Variants in TSPAN15 observed in about 807,000 individuals in gnomAD.
TSPAN15 encodes tetraspanin 15, also known as tetraspanin-15.
TSPAN15 carries 20 observed loss-of-function variants against 34.5 expected under a neutral mutation model. The observed-to-expected ratio is 0.58, with a 90% CI of 0.41 to 0.84. TSPAN15 has a LOEUF of 0.84. TSPAN15 is among the 40% of genes least tolerant of loss of function. The pLI is 0.00. For synonymous variants in TSPAN15, 155 were observed against 153.9 expected (o/e 1.01, Z -0.05); for missense variants, 313 against 386.1 (o/e 0.81, Z 1.59).
Position 69,483,733 on chromosome 10 carries a change from G to T in TSPAN15, c.139G>T (p.Val47Phe), listed in dbSNP as rs1841787978. ...CCTGTCTGTGGGCATCTATGCAGAG[G>T]TTGAGCGGCAGAAATATAAAACCCT... ...LVLSVGIYAE[V>F]ERQKYKTLES... The change falls in exon 2 of 8, where the codon GTT (valine) becomes TTT (phenylalanine). Residue 47 changes from valine (V) to phenylalanine (F), a missense_variant. By Grantham distance (50) the Val-to-Phe change is conservative (BLOSUM62 -1). Transcript: ENST00000373290. 1 of 1,614,064 alleles carries T rather than the reference G, an allele frequency of 6.2e-7. No homozygotes were observed. Among genetic ancestry groups the T allele is most frequent in the South Asian group, 1.1e-5 (1 of 91,076 alleles).
At chr10:69,499,922 G>A (rs962678631) in intron 5 of TSPAN15, among the ~76,000 whole-genome samples, 5 of 152,122 alleles carry the variant, frequency 3.3e-5, no homozygotes, top group African/African-American at 1.2e-4. Flanking sequence ...GCGGAGGATG[G>A]TAGGAGGTGG....
chr10:69,531,557 C>T, the TSPAN15 span, among the ~76,000 whole-genome samples: 1 of 152,092 alleles, frequency 6.6e-6, no homozygotes, highest in Non-Finnish European at 1.5e-5. Flanking sequence ...CATGATTGTG[C>T]CACTGCACTC....
intron 4 of TSPAN15, among the ~76,000 whole-genome samples, chr10:69,496,507 G>C (rs1484256431): frequency 2.0e-5 from 3 of 152,132 alleles, no homozygotes; most frequent in Non-Finnish European, 4.4e-5. Context: ...GGATTACCTT[G>C]ACTTAATTCA....
At chr10:69,521,392 C>A in the TSPAN15 span, among the ~76,000 whole-genome samples, 1 of 146,850 alleles carries the variant, frequency 6.8e-6, no homozygotes, top group Non-Finnish European at 1.5e-5. Flanking sequence ...CACCTGTAGT[C>A]CCAGCACTTT....
At chr10:69,535,927 G>A in the TSPAN15 span, among the ~76,000 whole-genome samples, 5 of 152,182 alleles carry the variant, frequency 3.3e-5, no homozygotes, top group African/African-American at 9.6e-5. Flanking sequence ...GGGGTTGTGG[G>A]GGCAAATCCT....
chr10:69,490,696 G>T (rs1841949639), intron 3 of TSPAN15, among the ~76,000 whole-genome samples: 1 of 152,252 alleles, frequency 6.6e-6, no homozygotes, highest in East Asian at 1.9e-4. Context: ...ACTCCATCCA[G>T]CCTGGGTGAC....
chr10:69,539,524 AAGAAGAAGAAGAAGGAGAAGGAGAAGG>A, the TSPAN15 span, among the ~76,000 whole-genome samples: 1 of 115,502 alleles, frequency 8.7e-6, no homozygotes, highest in Non-Finnish European at 1.9e-5. Flanking sequence ...GAAGAAGAAG[AAGAAGAAGAAGAAGGAGAAGGAGAAGG>A]AGAAGGAGAA....
the TSPAN15 span, among the ~76,000 whole-genome samples, chr10:69,519,048 T>A: frequency 0.6 from 91,416 of 151,606 alleles, 27,979 homozygotes; most frequent in African/African-American, 0.68. Context: ...AGTATACAGC[T>A]ATTTAAATGA....
At chr10:69,492,321 G>T (rs113082600) in intron 3 of TSPAN15, among the ~76,000 whole-genome samples, 1 of 152,310 alleles carries the variant, frequency 6.6e-6, no homozygotes, top group Non-Finnish European at 1.5e-5. Flanking sequence ...TGCACAGCCA[G>T]CTTGCCTCAC....
the TSPAN15 span, among the ~76,000 whole-genome samples, chr10:69,535,667 G>T: frequency 6.6e-6 from 1 of 152,150 alleles, no homozygotes; most frequent in African/African-American, 2.4e-5. Flanking sequence ...TCTGCCCCTG[G>T]CACCCACACC....
chr10:69,483,863 A>G lies in TSPAN15; in HGVS notation c.269A>G (p.Tyr90Cys). 3.1e-6 allele frequency: 5 copies of G among 1,613,436 alleles called. No individual in the cohort carries two copies. The highest frequency in any genetic ancestry group is 1.1e-5 in the South Asian group (1 of 91,020). Reference protein sequence around the residue: ...GVLASLRDNLYLLQAFMYILG... With the variant: ...GVLASLRDNLCLLQAFMYILG... ...CTGGCGTCCCTCCGTGACAACCTGT[A>G]CCTTCTCCAAGCAGTGAGTGGACCA... Residue 90 changes from tyrosine (Y) to cysteine (C), a missense_variant, in exon 2 of 8, where the codon TAC becomes TGC. Physicochemically the swap from Tyr to Cys is radical, Grantham distance 194. Coordinates refer to ENST00000373290, the MANE Select transcript of TSPAN15 (RefSeq NM_012339.5).
At chr10:69,529,878 A>G in the TSPAN15 span, among the ~76,000 whole-genome samples, 1 of 144,056 alleles carries the variant, frequency 6.9e-6, no homozygotes, top group Non-Finnish European at 1.5e-5. Flanking sequence ...AAAGTCCATT[A>G]TCATTCTTAT....
At chr10:69,456,356 G>C (rs1436498128) in intron 1 of TSPAN15, among the ~76,000 whole-genome samples, 4 of 151,870 alleles carry the variant, frequency 2.6e-5, no homozygotes, top group Non-Finnish European at 5.9e-5. Flanking sequence ...CAAAGTGCTG[G>C]GATTACAGGC....
At chr10:69,513,195 C>T in the TSPAN15 span, among the ~76,000 whole-genome samples, 976 of 152,230 alleles carry the variant, frequency 6.4e-3, 11 homozygotes, top group African/African-American at 0.022. Flanking sequence ...GAGTACTTTT[C>T]GTAGACATAT....
chr10:69,530,810 CTCTCTCTCTCTATATA>C, the TSPAN15 span, among the ~76,000 whole-genome samples: 255 of 68,462 alleles, frequency 3.7e-3, no homozygotes, highest in Non-Finnish European at 3.8e-3. Flanking sequence ...CTCTCTCTCT[CTCTCTCTCTCTATATA>C]TATATATATA....
chr10:69,474,224 C>T (rs2133093695), intron 1 of TSPAN15, among the ~76,000 whole-genome samples: 1 of 150,762 alleles, frequency 6.6e-6, no homozygotes, highest in African/African-American at 2.4e-5. Context: ...GGCGGCTTCT[C>T]CTCTCAGCAG....
chr10:69,455,925 A>C (rs150177658), intron 1 of TSPAN15, among the ~76,000 whole-genome samples: 1 of 152,164 alleles, frequency 6.6e-6, no homozygotes, highest in African/African-American at 2.4e-5. Flanking sequence ...TCTAGGCACT[A>C]TCTCTTACCT....
At chr10:69,465,052 A>T (rs1841354005) in intron 1 of TSPAN15, among the ~76,000 whole-genome samples, 1 of 152,256 alleles carries the variant, frequency 6.6e-6, no homozygotes, top group Admixed American at 6.5e-5. Context: ...CAGATGAACC[A>T]GCCCTGTCCC....
the TSPAN15 span, among the ~76,000 whole-genome samples, chr10:69,546,946 C>T: frequency 6.6e-6 from 1 of 151,842 alleles, no homozygotes; most frequent in African/African-American, 2.4e-5. Context: ...GAGTTCAAAA[C>T]CAGCCTGGCC....
Sources: gnomAD v4.1 joint callset for allele counts (sites outside exome capture counted in the v4.1 genomes callset) on GRCh38, gnomAD v4.1.1 for gene constraint, MANE v1.5 for transcripts, NCBI Gene and HGNC (gene_info 2026-07-23, HGNC 2026-07-21) for gene names.